The following LRP1B variants were observed in gnomAD, a reference collection of about 807,000 sequenced individuals.
LRP1B encodes low-density lipoprotein receptor-related protein 1B.
Under a neutral mutation model 556.6 loss-of-function variants are expected in LRP1B, and 217 were observed. That is an observed-to-expected ratio of 0.39 (90% CI 0.35 to 0.44). The LOEUF (loss-of-function observed/expected upper bound fraction) is 0.44. Among genes scored for constraint, LRP1B ranks in the 20% least tolerant of loss-of-function variants. The pLI, the probability that LRP1B is intolerant of heterozygous loss-of-function variation, is 1.00. For synonymous variants in LRP1B, 2,047 were observed against 1,865.8 expected (o/e 1.10, Z -2.50); for missense variants, 5,053 against 5,620.8 (o/e 0.90, Z 3.23).
At chr2:141,085,510 A>G (rs1037676253) in intron 7 of LRP1B, among the ~76,000 whole-genome samples, 8 of 152,204 alleles carry the variant, frequency 5.3e-5, no homozygotes, top group African/African-American at 1.9e-4. Context: ...CACCGAGGAA[A>G]GACCACGTGA....
chr2:141,130,206 GACAA>G (rs1701315027), intron 7 of LRP1B, among the ~76,000 whole-genome samples: 1 of 150,958 alleles, frequency 6.6e-6, no homozygotes, highest in African/African-American at 2.4e-5. Flanking sequence ...AAGAAAAACT[GACAA>G]ACATTCATAA....
At chr2:141,525,928 T>C (rs565034394) in intron 2 of LRP1B, among the ~76,000 whole-genome samples, 1 of 152,188 alleles carries the variant, frequency 6.6e-6, no homozygotes, top group South Asian at 2.1e-4. Context: ...CTTTGTTTTA[T>C]TATTTTTTAG....
chr2:141,275,021 G>T (rs1685230934), intron 3 of LRP1B, among the ~76,000 whole-genome samples: 1 of 152,074 alleles, frequency 6.6e-6, no homozygotes, highest in Non-Finnish European at 1.5e-5. Flanking sequence ...AGAAAACCAA[G>T]TTGGAAAAAG....
At chr2:140,234,580 C>T (rs1477043244) in intron 90 of LRP1B, among the ~76,000 whole-genome samples, 1 of 151,286 alleles carries the variant, frequency 6.6e-6, no homozygotes, top group Non-Finnish European at 1.5e-5. Context: ...GATATTTCTA[C>T]TTAATGGCTT....
At chr2:141,219,782 G>A (rs558483164) in intron 6 of LRP1B, among the ~76,000 whole-genome samples, 1 of 152,136 alleles carries the variant, frequency 6.6e-6, no homozygotes, top group South Asian at 2.1e-4. Flanking sequence ...ACCTCTAGTT[G>A]CAGGAGGGAC....
intron 5 of LRP1B, among the ~76,000 whole-genome samples, chr2:141,232,875 G>A (rs1683522990): frequency 6.6e-6 from 1 of 152,152 alleles, no homozygotes; most frequent in South Asian, 2.1e-4. Flanking sequence ...GGAAGCCACT[G>A]AAACACGAGA....
Position 140,873,564 on chromosome 2 carries a change from T to G in LRP1B, c.4170-5301A>C, listed in dbSNP as rs185095358. Among the ~76,000 whole-genome samples the G allele has an allele frequency of 7.0e-4, 106 of 152,192 alleles. 2 individuals are homozygous for G. The East Asian group carries it at 0.02, about 28-fold the overall frequency. On this transcript the variant is annotated intron_variant, in intron 25 of 90. Transcript: ENST00000389484. The stretch of plus-strand genomic sequence containing the variant: ...AGGATGGAGCCAGTTAGTTCAGATA[T>G]TTTTCACTGTCTCAGTTATAATTTT...
rs765683437 is a variant in LRP1B at position 140,239,513 on chromosome 2, C to A, written c.13344G>T (p.Val4448=). 6.2e-7 allele frequency: 1 copy of A among 1,602,624 alleles called. No homozygotes were observed. Among genetic ancestry groups the A allele is most frequent in the South Asian group, 1.1e-5 (1 of 90,274 alleles). The change falls in exon 88 of 91, where the codon GTG becomes GTT. Residue 4448 remains valine, a synonymous_variant. Transcript: ENST00000389484. ...TCAAAGTCACCAAGAGGACGAGAGG[C>A]ACAATGATGGCAATGCTTCCTGGAA... is the stretch of plus-strand genomic sequence containing the variant. ...HISTRSIAII[V]PLVLLVTLIT...
chr2:140,537,859 T>C (rs1248381780), intron 45 of LRP1B, among the ~76,000 whole-genome samples: 1 of 152,136 alleles, frequency 6.6e-6, no homozygotes, highest in Non-Finnish European at 1.5e-5. Flanking sequence ...AGGGTCTCTA[T>C]TGAGGACAAT....
chr2:141,139,121 T>C (rs1373455505), intron 7 of LRP1B, among the ~76,000 whole-genome samples: 3 of 151,800 alleles, frequency 2.0e-5, no homozygotes, highest in Admixed American at 2.0e-4. Context: ...CAACAAATGG[T>C]GCTGGAAAAA....
At position 140,994,111 on chromosome 2, in the gene LRP1B, T is replaced by C. The variant is rs776102590; in HGVS notation, c.2528A>G (p.His843Arg). The change falls in exon 16 of 91, where the codon CAC becomes CGC. Residue 843 changes from histidine to arginine, a missense_variant. Physicochemically the swap from His to Arg is conservative, Grantham distance 29. Transcript: ENST00000389484. ...GCGAAACTCTCCAGCTTTACATATG[T>C]GAGGTAGTGCTTCTCCAGGATTAAC... Reference protein sequence around the residue: ...CTFNPGEALPHICKAGEFRCK... With the variant: ...CTFNPGEALPRICKAGEFRCK... 6.2e-7 allele frequency: 1 copy of C among 1,612,434 alleles called. No individual in the cohort carries two copies. Among genetic ancestry groups the C allele is most frequent in the South Asian group, 1.1e-5 (1 of 91,026 alleles).
chr2:140,261,071 T>A (rs1573700110), intron 86 of LRP1B, among the ~76,000 whole-genome samples: 1 of 141,682 alleles, frequency 7.1e-6, no homozygotes, highest in East Asian at 2.1e-4. Flanking sequence ...ATATATATAA[T>A]ATATATGATG....
rs75726096 is a variant in LRP1B at position 140,538,434 on chromosome 2, C to T, written c.7514-1725G>A. Among the ~76,000 whole-genome samples, 1,018 of 152,208 alleles carry T rather than the reference C, an allele frequency of 6.7e-3. 7 individuals are homozygous for T. Among genetic ancestry groups the T allele is most frequent in the East Asian group, 0.034 (177 of 5,178 alleles). On this transcript the variant is annotated intron_variant, in intron 45 of 90. Coordinates refer to ENST00000389484, the MANE Select transcript of LRP1B (RefSeq NM_018557.3). ...TGGTTGCCATCTTTATGTCCATGAGCATCGAATGTTTAGCTCCCAGTTATA... is the reference window on the plus strand; with the variant it reads ...TGGTTGCCATCTTTATGTCCATGAGTATCGAATGTTTAGCTCCCAGTTATA...
Position 140,487,686 on chromosome 2 carries a change from AT to A in LRP1B, c.9173del (p.Tyr3058PhefsTer13). On this transcript the variant is annotated frameshift_variant, in exon 58 of 91. Transcript: ENST00000389484. LOFTEE classifies it high-confidence loss of function. ...IDFDYREEFIYWIDSSRPNGS... is the reference protein window; with the variant it reads ...IDFDYREEFIXWIDSSRPNGS... ...CATTGGGTCGGCTAGAATCGATCCAATAGATGAATTCTTCTCTGTAATCAAA... is the reference window on the plus strand; with the variant it reads ...CATTGGGTCGGCTAGAATCGATCCAAAGATGAATTCTTCTCTGTAATCAAA... 1 of 1,595,162 alleles carries A rather than the reference AT, an allele frequency of 6.3e-7. No homozygotes were observed. Among genetic ancestry groups the A allele is most frequent in the Non-Finnish European group, 8.6e-7 (1 of 1,165,244 alleles).
intron 2 of LRP1B, among the ~76,000 whole-genome samples, chr2:141,779,994 A>T (rs1450952058): frequency 4.0e-5 from 6 of 150,860 alleles, no homozygotes; most frequent in African/African-American, 1.5e-4. Context: ...GTCTTTGGTC[A>T]TGCTTCACAA....
chr2:141,377,775 T>C (rs1689492266), intron 3 of LRP1B, among the ~76,000 whole-genome samples: 1 of 152,106 alleles, frequency 6.6e-6, no homozygotes, highest in African/African-American at 2.4e-5. Context: ...AGCCCCTATA[T>C]TTATCTTTAG....
intron 86 of LRP1B, among the ~76,000 whole-genome samples, chr2:140,247,726 T>G (rs572014029): frequency 6.6e-6 from 1 of 151,728 alleles, no homozygotes; most frequent in South Asian, 2.1e-4. Context: ...GTGCCCAAGT[T>G]TTTATTGGGA....
At chr2:140,652,614 T>C (rs1484528375) in intron 41 of LRP1B, among the ~76,000 whole-genome samples, 26 of 152,094 alleles carry the variant, frequency 1.7e-4, no homozygotes, top group Non-Finnish European at 4.4e-5. Context: ...ATTTGTGTTA[T>C]AAATTTCTGA....
intron 4 of LRP1B, 88 bp downstream of exon 4, chr2:141,254,434 C>G: frequency 7.4e-7 from 1 of 1,348,004 alleles, no homozygotes; most frequent in Non-Finnish European, 1.1e-6. Context: ...CTGTAGAGCA[C>G]ATGGTAGGTG....
Sources: gnomAD v4.1 joint callset for allele counts (sites outside exome capture counted in the v4.1 genomes callset) on GRCh38, gnomAD v4.1.1 for gene constraint, MANE v1.5 for transcripts, NCBI Gene and HGNC (gene_info 2026-07-23, HGNC 2026-07-21) for gene names.